The following STK3 variants were observed in gnomAD, a reference collection of about 807,000 sequenced individuals.
STK3 encodes the protein serine/threonine-protein kinase 3.
STK3 carries 41 observed loss-of-function variants against 58.0 expected under a neutral mutation model. The observed-to-expected ratio is 0.71, with a 90% CI of 0.55 to 0.92. The LOEUF is 0.92. Among genes scored for constraint, STK3 ranks in the 40% least tolerant of loss-of-function variants. The pLI is 0.00. For missense variants in STK3, 479 were observed against 602.7 expected (o/e 0.79, Z 2.15); for synonymous variants, 170 against 191.0 (o/e 0.89, Z 0.91).
At chr8:98,850,753 G>C (rs1022346815) in intron 3 of STK3, among the ~76,000 whole-genome samples, 1 of 152,180 alleles carries the variant, frequency 6.6e-6, no homozygotes. Context: ...GGAGCACAGG[G>C]GCCGGGTCAT....
chr8:98,356,773 A>T, the STK3 span, among the ~76,000 whole-genome samples: 1 of 152,234 alleles, frequency 6.6e-6, no homozygotes, highest in African/African-American at 2.4e-5. Context: ...GTTAGGCGTT[A>T]CTTTCAACCC....
At chr8:98,668,264 G>A (rs1180254083) in intron 6 of STK3, among the ~76,000 whole-genome samples, 1 of 152,104 alleles carries the variant, frequency 6.6e-6, no homozygotes, top group Admixed American at 6.5e-5. Context: ...TATTAGTTTT[G>A]ACAGGTGAAA....
At chr8:98,743,995 G>A (rs1001180092) in intron 4 of STK3, among the ~76,000 whole-genome samples, 5 of 151,952 alleles carry the variant, frequency 3.3e-5, no homozygotes, top group African/African-American at 7.3e-5. Flanking sequence ...CACCATCACT[G>A]GCCATCAGAG....
At chr8:98,698,732 A>C (rs1407576762) in intron 6 of STK3, among the ~76,000 whole-genome samples, 1 of 151,996 alleles carries the variant, frequency 6.6e-6, no homozygotes, top group South Asian at 2.1e-4. Flanking sequence ...CTGAGAGATC[A>C]GCTGTTAGTC....
chr8:98,625,950 A>T (rs1431373333), intron 6 of STK3, among the ~76,000 whole-genome samples: 1 of 152,026 alleles, frequency 6.6e-6, no homozygotes, highest in Non-Finnish European at 1.5e-5. Flanking sequence ...CCCTACTATA[A>T]CCCTGAAAAA....
chr8:98,855,000 T>G (rs1368998926), intron 3 of STK3, among the ~76,000 whole-genome samples: 1 of 152,152 alleles, frequency 6.6e-6, no homozygotes, highest in Non-Finnish European at 1.5e-5. Context: ...GAGATTGCAG[T>G]GAGCTGAGAT....
intron 1 of STK3, among the ~76,000 whole-genome samples, chr8:98,916,307 G>C (rs1839346762): frequency 6.6e-6 from 1 of 152,144 alleles, no homozygotes; most frequent in Admixed American, 6.5e-5. Context: ...CCAGCTACTT[G>C]GGAGGCTGAG....
intron 3 of STK3, among the ~76,000 whole-genome samples, chr8:98,423,548 G>A (rs779753061): frequency 1.1e-4 from 17 of 152,256 alleles, no homozygotes; most frequent in Non-Finnish European, 1.9e-4. Context: ...GCTTTCAGGA[G>A]GGAATGACAT....
At chr8:98,508,241 T>C (rs1180696766) in intron 10 of STK3, among the ~76,000 whole-genome samples, 1 of 152,164 alleles carries the variant, frequency 6.6e-6, no homozygotes, top group Non-Finnish European at 1.5e-5. Flanking sequence ...CAAGTTTTTA[T>C]CTATACTGCT....
intron 3 of STK3, among the ~76,000 whole-genome samples, chr8:98,841,992 GCAATAAT>G (rs1248673555): frequency 6.6e-6 from 1 of 151,862 alleles, no homozygotes; most frequent in Non-Finnish European, 1.5e-5. Context: ...TAGTTCATCA[GCAATAAT>G]CAACTAGAAA....
intron 2 of STK3, among the ~76,000 whole-genome samples, chr8:98,772,959 T>G (rs190355250): frequency 6.6e-6 from 1 of 152,082 alleles, no homozygotes; most frequent in East Asian, 1.9e-4. Context: ...CTTAATACAA[T>G]CAGAAAATGT....
At chr8:98,542,129 T>C (rs1178722294) in intron 9 of STK3, among the ~76,000 whole-genome samples, 1 of 152,128 alleles carries the variant, frequency 6.6e-6, no homozygotes, top group Non-Finnish European at 1.5e-5. Context: ...ATATACAAAA[T>C]CCTAAGCACA....
intron 7 of STK3, among the ~76,000 whole-genome samples, chr8:98,585,296 T>C (rs560840984): frequency 9.6e-4 from 146 of 152,354 alleles, no homozygotes; most frequent in Non-Finnish European, 1.6e-3. Flanking sequence ...AGGGATCCAG[T>C]TTCAGCCTTC....
chr8:98,505,484 G>T (rs1430434536), intron 10 of STK3, among the ~76,000 whole-genome samples: 1 of 152,058 alleles, frequency 6.6e-6, no homozygotes, highest in Non-Finnish European at 1.5e-5. Context: ...CTTGTTTTTA[G>T]GATTTTCAGC....
At chr8:98,396,382 G>A (rs921579646) in intron 3 of STK3, among the ~76,000 whole-genome samples, 8 of 152,226 alleles carry the variant, frequency 5.3e-5, no homozygotes, top group African/African-American at 1.9e-4. Flanking sequence ...TGTCTACTGG[G>A]AGATGGGGTG....
At chr8:98,651,574 A>G (rs1335466023) in intron 6 of STK3, 1 of 152,634 alleles carries the variant, frequency 6.6e-6, no homozygotes, top group East Asian at 1.9e-4. Context: ...ACCAAAGGCA[A>G]AGAAGTTGAA....
intron 4 of STK3, among the ~76,000 whole-genome samples, chr8:98,741,598 G>T (rs549760245): frequency 1.3e-5 from 2 of 152,310 alleles, no homozygotes; most frequent in South Asian, 4.1e-4. Context: ...TCAAAGCAGT[G>T]TGTAGAGGGA....
chr8:98,347,777 A>G, the STK3 span, among the ~76,000 whole-genome samples: 1 of 152,322 alleles, frequency 6.6e-6, no homozygotes, highest in Admixed American at 6.5e-5. Flanking sequence ...TAAGATACAA[A>G]TAGATTAAAG....
At chr8:98,928,048 G>A (rs1489790496) in intron 1 of STK3, among the ~76,000 whole-genome samples, 1 of 152,192 alleles carries the variant, frequency 6.6e-6, no homozygotes, top group Non-Finnish European at 1.5e-5. Flanking sequence ...TGTCTGTAGG[G>A]TACTTCAGTA....
Sources: gnomAD v4.1 joint callset for allele counts (sites outside exome capture counted in the v4.1 genomes callset) on GRCh38, gnomAD v4.1.1 for gene constraint, MANE v1.5 for transcripts, NCBI Gene and HGNC (gene_info 2026-07-23, HGNC 2026-07-21) for gene names.